PPP2R3A: variants seen among roughly 807,000 people sequenced by gnomAD.
The protein encoded by PPP2R3A is serine/threonine-protein phosphatase 2A regulatory subunit B'' subunit alpha.
In PPP2R3A, 80 loss-of-function variants were observed where a neutral mutation model predicts 106.9. The ratio of observed to expected loss-of-function variants is 0.75; its 90% confidence interval spans 0.62 to 0.90. The LOEUF (loss-of-function observed/expected upper bound fraction) is 0.90, where lower values mean the gene tolerates loss of function less well. Among genes scored for constraint, PPP2R3A ranks in the 40% least tolerant of loss-of-function variants. The probability of loss-of-function intolerance (pLI) is 0.00; values close to 1 mark genes in which losing one functional copy is unlikely to be tolerated. For synonymous variants in PPP2R3A, 483 were observed against 468.3 expected (o/e 1.03, Z -0.41); for missense variants, 1,386 against 1,350.4 (o/e 1.03, Z -0.41).
In PPP2R3A at chr3:136,041,250, G is replaced by GTTTTTTTTT. The variant is rs1246326384; in HGVS notation, c.2366+291_2366+299dup. Among the ~76,000 whole-genome samples the GTTTTTTTTT allele has an allele frequency of 1.4e-3, 79 of 56,564 alleles. 17 individuals carry two copies. The highest frequency in any genetic ancestry group is 2.4e-3 in the African/African-American group (40 of 16,874). 37.1% of individuals were successfully genotyped at this position (56,564 alleles called of 152,430 possible). A position where few individuals can be genotyped will look rare whatever the true frequency, so the allele number is the denominator to read the frequency against. On this transcript the variant is annotated intron_variant, in intron 4 of 13. Transcript: ENST00000264977. ...CTTGGTTTTTCTTGTTTTTTTTTTT[G>GTTTTTTTTT]TTTTTTTTTTTGTTTTTTTTTTTTT...
intron 1 of PPP2R3A, among the ~76,000 whole-genome samples, chr3:135,979,414 A>G (rs1937509310): frequency 6.6e-6 from 1 of 151,782 alleles, no homozygotes; most frequent in Non-Finnish European, 1.5e-5. Flanking sequence ...AAGGTTGAGA[A>G]ACATTGATCT....
At chr3:136,144,113 C>T (rs1939000440) in intron 13 of PPP2R3A, among the ~76,000 whole-genome samples, 1 of 152,222 alleles carries the variant, frequency 6.6e-6, no homozygotes. Flanking sequence ...TATTTCATCT[C>T]TGCCTAAAGC....
chr3:136,014,221 C>T (rs1218808383), intron 2 of PPP2R3A, among the ~76,000 whole-genome samples: 1 of 151,952 alleles, frequency 6.6e-6, no homozygotes, highest in African/African-American at 2.4e-5. Flanking sequence ...GTGACTATAG[C>T]GATATAGTAT....
At chr3:136,120,235 A>G (rs1158503760) in intron 13 of PPP2R3A, among the ~76,000 whole-genome samples, 9 of 152,094 alleles carry the variant, frequency 5.9e-5, no homozygotes, top group Non-Finnish European at 1.3e-4. Context: ...GTGTATACCT[A>G]TGTAGCAAAA....
intron 13 of PPP2R3A, among the ~76,000 whole-genome samples, chr3:136,112,547 A>G (rs1475260081): frequency 1.3e-5 from 2 of 152,198 alleles, no homozygotes; most frequent in African/African-American, 2.4e-5. Context: ...AATAGCCACA[A>G]AAAGAATAAG....
At chr3:135,971,496 C>T (rs1937245300) in intron 1 of PPP2R3A, among the ~76,000 whole-genome samples, 1 of 152,098 alleles carries the variant, frequency 6.6e-6, no homozygotes, top group African/African-American at 2.4e-5. Flanking sequence ...GCCAACAGAA[C>T]AGAAAATATA....
chr3:136,011,637 C>G (rs1488617784), intron 2 of PPP2R3A, among the ~76,000 whole-genome samples: 1 of 152,148 alleles, frequency 6.6e-6, no homozygotes, highest in Non-Finnish European at 1.5e-5. Flanking sequence ...GTAAACTGAT[C>G]ACTTCAGAAG....
In PPP2R3A at chr3:136,141,211, G is replaced by C. The variant is rs1938860348; in HGVS notation, c.3330-3832G>C. On this transcript the variant is annotated intron_variant, in intron 13 of 13. Transcript: ENST00000264977. ...AGGAGTTGCAACTTATGGTGCTGAG[G>C]GAAGAATTTTCTGAGTAGTTGATAA... Among the ~76,000 whole-genome samples, 3 of 152,150 alleles carry C rather than the reference G, an allele frequency of 2.0e-5. No individual in the cohort carries two copies. The South Asian group carries it at 6.2e-4, about 32-fold the overall frequency.
At chr3:136,066,880 A>AT (rs1936275986) in intron 5 of PPP2R3A, among the ~76,000 whole-genome samples, 1 of 152,196 alleles carries the variant, frequency 6.6e-6, no homozygotes, top group Non-Finnish European at 1.5e-5. Flanking sequence ...AAACCATATC[A>AT]TTTATTAATG....
chr3:136,045,214 G>A (rs529827840), intron 4 of PPP2R3A, among the ~76,000 whole-genome samples: 9 of 152,272 alleles, frequency 5.9e-5, no homozygotes, highest in Non-Finnish European at 1.0e-4. Context: ...CTGCGAGAGC[G>A]CTTTTGCCAG....
At chr3:136,085,423 C>G (rs920640870) in intron 8 of PPP2R3A, among the ~76,000 whole-genome samples, 6 of 152,186 alleles carry the variant, frequency 3.9e-5, no homozygotes, top group African/African-American at 1.4e-4. Flanking sequence ...ATTACCCAGT[C>G]TCAGGTATGT....
At chr3:136,131,209 C>T (rs1311752047) in intron 13 of PPP2R3A, among the ~76,000 whole-genome samples, 3 of 152,044 alleles carry the variant, frequency 2.0e-5, no homozygotes, top group African/African-American at 7.2e-5. Flanking sequence ...AAACTACCAT[C>T]ACCATCAGAG....
intron 10 of PPP2R3A, among the ~76,000 whole-genome samples, chr3:136,094,266 A>T (rs1035519904): frequency 6.6e-6 from 1 of 152,194 alleles, no homozygotes; most frequent in Admixed American, 6.5e-5. Flanking sequence ...CTCTTTTTGT[A>T]GGTGATGAAA....
chr3:135,985,440 C>G (rs1576412042), intron 1 of PPP2R3A, among the ~76,000 whole-genome samples: 1 of 151,692 alleles, frequency 6.6e-6, no homozygotes, highest in Non-Finnish European at 1.5e-5. Context: ...CTCCCTCTCT[C>G]TCACACACAC....
intron 8 of PPP2R3A, among the ~76,000 whole-genome samples, chr3:136,083,068 G>T (rs1936829847): frequency 2.0e-5 from 3 of 152,190 alleles, no homozygotes; most frequent in Non-Finnish European, 4.4e-5. Context: ...AGGCTGGAAT[G>T]CAGAAGCATG....
intron 8 of PPP2R3A, among the ~76,000 whole-genome samples, chr3:136,086,598 A>G (rs1156677455): frequency 6.6e-6 from 1 of 152,224 alleles, no homozygotes; most frequent in Non-Finnish European, 1.5e-5. Flanking sequence ...CTTTAAAAAA[A>G]GATTTTGGCT....
At chr3:135,986,321 A>G (rs900163801) in intron 1 of PPP2R3A, among the ~76,000 whole-genome samples, 1 of 152,106 alleles carries the variant, frequency 6.6e-6, no homozygotes, top group African/African-American at 2.4e-5. Flanking sequence ...ATCAGTCACC[A>G]TCATCTCTCC....
intron 5 of PPP2R3A, among the ~76,000 whole-genome samples, chr3:136,051,005 C>T (rs1935666932): frequency 6.6e-6 from 1 of 152,138 alleles, no homozygotes. Context: ...AAAGAGCCCA[C>T]CTGGGGAGTG....
intron 2 of PPP2R3A, chr3:136,022,845 A>G (rs1204943843): frequency 7.6e-7 from 1 of 1,315,976 alleles, no homozygotes; most frequent in African/African-American, 1.5e-5. Flanking sequence ...GAAAATTATG[A>G]GCAGGTATTG....
Sources: gnomAD v4.1 joint callset for allele counts (sites outside exome capture counted in the v4.1 genomes callset) on GRCh38, gnomAD v4.1.1 for gene constraint, MANE v1.5 for transcripts, NCBI Gene and HGNC (gene_info 2026-07-23, HGNC 2026-07-21) for gene names.